Variants in OTUD7B observed in about 807,000 individuals in gnomAD.
The protein encoded by OTUD7B is OTU deubiquitinase 7B, also known as OTU domain-containing protein 7B.
Under a neutral mutation model 82.2 loss-of-function variants are expected in OTUD7B, and 34 were observed. The ratio of observed to expected loss-of-function variants is 0.41; its 90% CI spans 0.31 to 0.55. The LOEUF is 0.55. Ranked by LOEUF, OTUD7B falls within the 20% of genes least tolerant of loss-of-function variation. The probability of loss-of-function intolerance (pLI) is 0.20; values close to 1 mark genes in which losing one functional copy is unlikely to be tolerated. For synonymous variants in OTUD7B, 398 were observed against 402.7 expected (o/e 0.99, Z 0.14); for missense variants, 944 against 1,062.1 (o/e 0.89, Z 1.55).
chr1:149,976,536 G>A lies in OTUD7B; in HGVS notation c.85+890C>T, dbSNP rs141547597. ...TGAGGCAGGAGAATTGCATGAACCC[G>A]GGAGGAGGAGGTTGCAGTGACCCGA... On this transcript the variant is annotated intron_variant, in intron 2 of 11. Transcript: ENST00000581312. Among the ~76,000 whole-genome samples the A allele has an allele frequency of 3.8e-3, 557 of 144,998 alleles. 12 individuals carry two copies. The East Asian group carries it at 0.061, about 16-fold the overall frequency.
chr1:149,962,895 T>C (rs1038620968), intron 6 of OTUD7B: 4 of 152,176 alleles, frequency 2.6e-5, no homozygotes, highest in African/African-American at 9.7e-5. Context: ...GGCAAAAGCT[T>C]TCCACGAGAT....
intron 2 of OTUD7B, among the ~76,000 whole-genome samples, 177 bp downstream of exon 2, chr1:149,977,249 A>G (rs1553778765): frequency 6.6e-6 from 1 of 152,240 alleles, no homozygotes; most frequent in Admixed American, 6.5e-5. Context: ...AAGGTGAAAA[A>G]GGGATTTTAA....
intron 7 of OTUD7B, among the ~76,000 whole-genome samples, chr1:149,958,581 T>C (rs587744259): frequency 6.6e-6 from 1 of 152,216 alleles, no homozygotes; most frequent in East Asian, 1.9e-4. Flanking sequence ...CCCAAAGTTC[T>C]GGGATTACAG....
chr1:149,993,070 G>C (rs1553782533), intron 1 of OTUD7B, among the ~76,000 whole-genome samples: 1 of 152,160 alleles, frequency 6.6e-6, no homozygotes, highest in Non-Finnish European at 1.5e-5. Context: ...AGCATCGCTT[G>C]AACTAGGGAG....
At chr1:149,971,537 C>T (rs1649937046) in intron 2 of OTUD7B, among the ~76,000 whole-genome samples, 1 of 152,112 alleles carries the variant, frequency 6.6e-6, no homozygotes, top group South Asian at 2.1e-4. Flanking sequence ...ATTAAAACTT[C>T]CTTTTACAGA....
chr1:150,035,502 C>G, the OTUD7B span, among the ~76,000 whole-genome samples: 1 of 152,206 alleles, frequency 6.6e-6, no homozygotes, highest in African/African-American at 2.4e-5. Context: ...GAACCATCAG[C>G]TGCCTGGGTT....
At chr1:150,053,391 CT>C in the OTUD7B span, among the ~76,000 whole-genome samples, 12 of 150,446 alleles carry the variant, frequency 8.0e-5, no homozygotes, top group African/African-American at 1.2e-4. Context: ...TTTTCTTTCC[CT>C]TTTTTTTTCT....
chr1:149,945,662 G>A (rs910081234), intron 11 of OTUD7B, among the ~76,000 whole-genome samples: 2 of 152,148 alleles, frequency 1.3e-5, no homozygotes, highest in African/African-American at 4.8e-5. Flanking sequence ...AGCTCTTTAA[G>A]CTACTCCGTC....
At chr1:150,042,504 A>G in the OTUD7B span, among the ~76,000 whole-genome samples, 3,252 of 151,848 alleles carry the variant, frequency 0.021, 93 homozygotes, top group African/African-American at 0.074. Context: ...ACAAGCAGAT[A>G]GTTACCTTTT....
the OTUD7B span, among the ~76,000 whole-genome samples, chr1:150,050,732 T>C: frequency 6.6e-6 from 1 of 152,048 alleles, no homozygotes; most frequent in Non-Finnish European, 1.5e-5. Flanking sequence ...TAACAATTAC[T>C]CAGTATGCCA....
chr1:149,951,184 C>T (rs587727626), intron 7 of OTUD7B, among the ~76,000 whole-genome samples: 32 of 151,850 alleles, frequency 2.1e-4, no homozygotes, highest in Non-Finnish European at 3.2e-4. Context: ...GGGGTTTCAC[C>T]GTGGTCTCGA....
At chr1:150,022,581 G>T in the OTUD7B span, among the ~76,000 whole-genome samples, 1 of 152,000 alleles carries the variant, frequency 6.6e-6, no homozygotes, top group East Asian at 1.9e-4. Context: ...CCTAGCGGTA[G>T]TGCCTCACCT....
chr1:150,050,879 T>C, the OTUD7B span, among the ~76,000 whole-genome samples: 3 of 151,002 alleles, frequency 2.0e-5, no homozygotes, highest in Non-Finnish European at 2.9e-5. Context: ...TTCTATGAAA[T>C]TGATCCTGTC....
chr1:149,953,524 A>G (rs1272035369), intron 7 of OTUD7B, among the ~76,000 whole-genome samples: 2 of 152,146 alleles, frequency 1.3e-5, no homozygotes, highest in Non-Finnish European at 2.9e-5. Context: ...TTGTCTTGGC[A>G]ATGCAGGCTC....
At chr1:150,065,513 A>C in the OTUD7B span, among the ~76,000 whole-genome samples, 1 of 152,140 alleles carries the variant, frequency 6.6e-6, no homozygotes, top group Non-Finnish European at 1.5e-5. Flanking sequence ...TTATTTTTTA[A>C]ATTTAATGTC....
At chr1:150,028,572 C>T in the OTUD7B span, among the ~76,000 whole-genome samples, 1 of 152,164 alleles carries the variant, frequency 6.6e-6, no homozygotes. Context: ...AAAACTGAAA[C>T]ACTATATTCA....
At chr1:149,946,741 G>GAA (rs1553772237) in intron 11 of OTUD7B, among the ~76,000 whole-genome samples, 67,417 of 79,534 alleles carry the variant, frequency 0.85, 29,663 homozygotes, top group East Asian at 0.92. Context: ...GACTTCCTCT[G>GAA]AAAAAAAAAA....
At chr1:149,965,923 C>T in intron 4 of OTUD7B, 45 bp from the exon 5 acceptor site, 1 of 1,491,324 alleles carries the variant, frequency 6.7e-7, no homozygotes, top group Non-Finnish European at 9.3e-7. Flanking sequence ...ATCCATGAAG[C>T]CCTTCCACCT....
chr1:149,990,946 G>A (rs587647272), intron 1 of OTUD7B, among the ~76,000 whole-genome samples: 20 of 151,554 alleles, frequency 1.3e-4, no homozygotes, highest in South Asian at 8.3e-4. Flanking sequence ...AGCTGAGATC[G>A]CGCCATTGCA....
Sources: gnomAD v4.1 joint callset for allele counts (sites outside exome capture counted in the v4.1 genomes callset) on GRCh38, gnomAD v4.1.1 for gene constraint, MANE v1.5 for transcripts, NCBI Gene and HGNC (gene_info 2026-07-23, HGNC 2026-07-21) for gene names.